The following DDX10 variants were observed in gnomAD, a reference collection of about 807,000 sequenced individuals.
DDX10 encodes DEAD-box helicase 10, also known as probable ATP-dependent RNA helicase DDX10.
Under a neutral mutation model 104.3 loss-of-function variants are expected in DDX10, and 74 were observed. That is an observed-to-expected ratio of 0.71 (90% CI 0.59 to 0.86). DDX10 has a LOEUF of 0.86. Ranked by LOEUF, DDX10 falls within the 40% of genes least tolerant of loss-of-function variation. DDX10 has a pLI of 0.00. For synonymous variants in DDX10, 351 were observed against 353.4 expected (o/e 0.99, Z 0.08); for missense variants, 952 against 1,040.0 (o/e 0.92, Z 1.16).
At chr11:108,817,284 T>C (rs533692318) in intron 13 of DDX10, among the ~76,000 whole-genome samples, 11 of 152,272 alleles carry the variant, frequency 7.2e-5, no homozygotes, top group Admixed American at 2.6e-4. Context: ...TTTTCTCTTA[T>C]TGCCTTCCAC....
At chr11:108,688,076 A>ATGG (rs2094247170) in intron 6 of DDX10, among the ~76,000 whole-genome samples, 4 of 152,204 alleles carry the variant, frequency 2.6e-5, no homozygotes, top group Non-Finnish European at 5.9e-5. Flanking sequence ...GTTGCATAAT[A>ATGG]ATTAATGTAT....
chr11:108,671,181 T>C (rs2134434428), intron 1 of DDX10, among the ~76,000 whole-genome samples: 1 of 152,358 alleles, frequency 6.6e-6, no homozygotes, highest in East Asian at 1.9e-4. Flanking sequence ...GTTATTTTTT[T>C]GAGGTAGAGT....
chr11:108,675,565 T>G (rs1367904936), intron 2 of DDX10, 31 bp from the exon 3 acceptor site: 1 of 1,608,448 alleles, frequency 6.2e-7, no homozygotes, highest in Admixed American at 1.7e-5. Flanking sequence ...AGGGATCTTC[T>G]AAAGTATAAT....
intron 13 of DDX10, among the ~76,000 whole-genome samples, chr11:108,805,268 C>T (rs931816812): frequency 1.1e-4 from 17 of 152,244 alleles, no homozygotes; most frequent in South Asian, 2.1e-4. Flanking sequence ...TAAGCAGTTT[C>T]GGTGCCCTGC....
At chr11:108,853,877 C>G (rs1048246278) in intron 16 of DDX10, among the ~76,000 whole-genome samples, 1 of 152,174 alleles carries the variant, frequency 6.6e-6, no homozygotes, top group Non-Finnish European at 1.5e-5. Context: ...AAGCATCGGA[C>G]TAAGAACAGA....
At chr11:108,708,295 A>ATTTT (rs200144585) in intron 10 of DDX10, among the ~76,000 whole-genome samples, 1 of 129,378 alleles carries the variant, frequency 7.7e-6, no homozygotes, top group Non-Finnish European at 1.6e-5. Context: ...AGATCATGTG[A>ATTTT]TTTTTTTTTT....
At chr11:108,680,858 T>C (rs1406170492) in intron 6 of DDX10, among the ~76,000 whole-genome samples, 1 of 152,200 alleles carries the variant, frequency 6.6e-6, no homozygotes, top group African/African-American at 2.4e-5. Flanking sequence ...CCAGATTCTT[T>C]GCTTCTGGGT....
intron 16 of DDX10, among the ~76,000 whole-genome samples, chr11:108,898,925 G>A (rs1431136108): frequency 6.6e-6 from 1 of 152,142 alleles, no homozygotes; most frequent in Non-Finnish European, 1.5e-5. Context: ...ATTAATAGAA[G>A]AAATGGCATG....
chr11:108,910,911 T>C (rs1020286025), intron 16 of DDX10, among the ~76,000 whole-genome samples: 1 of 151,976 alleles, frequency 6.6e-6, no homozygotes. Context: ...TGGTGGTAAC[T>C]TGCAACTTGG....
In DDX10 at chr11:108,719,901, A is replaced by G. The variant is rs1017225408; in HGVS notation, c.1499+16A>G. On this transcript the variant is annotated intron_variant, in intron 12 of 17. Transcript: ENST00000322536. Reference sequence around the variant, plus strand: ...AATATGCCCTGTAAGTATTCATAATATAGTTGTAATAGTGAATCCTCAAGG... The same window carrying G: ...AATATGCCCTGTAAGTATTCATAATGTAGTTGTAATAGTGAATCCTCAAGG... The G allele has an allele frequency of 7.6e-7, 1 of 1,316,128 alleles. No individual in the cohort carries two copies. The highest frequency in any genetic ancestry group is 1.1e-6 in the Non-Finnish European group (1 of 909,964). The allele number at this position is 1,316,128 out of a possible 1,614,324, so 81.5% of individuals were successfully genotyped here.
intron 13 of DDX10, among the ~76,000 whole-genome samples, chr11:108,765,187 C>T (rs1427992475): frequency 6.6e-6 from 1 of 152,080 alleles, no homozygotes; most frequent in African/African-American, 2.4e-5. Flanking sequence ...TCTGAGGGAA[C>T]AAATATAACA....
chr11:108,799,813 A>T (rs897667035), intron 13 of DDX10, among the ~76,000 whole-genome samples: 3 of 152,210 alleles, frequency 2.0e-5, no homozygotes, highest in African/African-American at 7.2e-5. Context: ...ATTCAGCACC[A>T]TGCCTGAAAC....
At chr11:108,712,829 CTTT>C (rs919787621) in intron 10 of DDX10, among the ~76,000 whole-genome samples, 1 of 150,724 alleles carries the variant, frequency 6.6e-6, no homozygotes, top group African/African-American at 2.4e-5. Flanking sequence ...CTCTAAAGAA[CTTT>C]TAAACATATT....
intron 13 of DDX10, among the ~76,000 whole-genome samples, chr11:108,770,073 G>A (rs2134525245): frequency 6.6e-6 from 1 of 152,340 alleles, no homozygotes; most frequent in South Asian, 2.1e-4. Context: ...TCTTTGAAAG[G>A]TGTTAAGAAA....
intron 13 of DDX10, among the ~76,000 whole-genome samples, chr11:108,786,582 A>G (rs1861795308): frequency 6.6e-6 from 1 of 152,158 alleles, no homozygotes; most frequent in Non-Finnish European, 1.5e-5. Context: ...CTTCTTGTTG[A>G]ATAGAACACT....
intron 13 of DDX10, among the ~76,000 whole-genome samples, chr11:108,769,940 TAAAA>T (rs1022970942): frequency 3.7e-4 from 57 of 152,146 alleles, no homozygotes; most frequent in African/African-American, 1.3e-3. Flanking sequence ...TGTCTCAAAA[TAAAA>T]AAAATTTAGT....
At chr11:108,720,062 C>T (rs1252727356) in intron 12 of DDX10, among the ~76,000 whole-genome samples, 177 bp downstream of exon 12, 4 of 152,178 alleles carry the variant, frequency 2.6e-5, no homozygotes, top group Admixed American at 2.6e-4. Flanking sequence ...GCCACCACAC[C>T]CGGCCAGAGA....
chr11:108,824,797 T>C, intron 13 of DDX10, among the ~76,000 whole-genome samples: 1 of 152,200 alleles, frequency 6.6e-6, no homozygotes. Context: ...TTTGTTTTTT[T>C]CGAGGGTCAT....
chr11:108,698,051 T>C (rs2094262364), intron 9 of DDX10, among the ~76,000 whole-genome samples: 1 of 152,194 alleles, frequency 6.6e-6, no homozygotes, highest in South Asian at 2.1e-4. Context: ...AGAATGTGAT[T>C]CCACTAGGGG....
Sources: allele counts gnomAD v4.1 joint callset (sites outside exome capture counted in the v4.1 genomes callset), GRCh38; gene constraint gnomAD v4.1.1; transcripts MANE v1.5; gene names NCBI Gene and HGNC (gene_info 2026-07-23, HGNC 2026-07-21).